Variants in POLG2 observed in about 807,000 individuals in gnomAD.
POLG2 encodes DNA polymerase gamma 2, accessory subunit.
In POLG2, 50 loss-of-function variants were observed where a neutral mutation model predicts 56.5. The observed-to-expected ratio is 0.88, with a 90% confidence interval of 0.71 to 1.12. POLG2 has a LOEUF of 1.12. Among genes scored for constraint, POLG2 ranks in the 50% most tolerant of loss-of-function variants. The pLI, the probability that POLG2 is intolerant of heterozygous loss-of-function variation, is 0.00. For synonymous variants in POLG2, 226 were observed against 222.6 expected (o/e 1.02, Z -0.14); for missense variants, 584 against 583.3 (o/e 1.00, Z -0.01).
rs1555666285 is a variant in POLG2, at chr17:64,480,419, GA to G, written c.1192-31del. 1.7e-5 allele frequency: 18 copies of G among 1,082,908 alleles called. 1 individual carries two copies. The Admixed American group carries it at 3.1e-4, about 18-fold the overall frequency. The allele number at this position is 1,082,908 out of a possible 1,614,324, so 67.1% of individuals were successfully genotyped here. ...AAAGAAATAGAAAAACTTCAAATAT[GA>G]AAGAAATAATGGTAGCTAGAGTGAT... is the stretch of plus-strand genomic sequence containing the variant. On this transcript the variant is annotated intron_variant, in intron 6 of 7. Coordinates refer to ENST00000539111, the MANE Select transcript of POLG2 (RefSeq NM_007215.4).
intron 7 of POLG2, among the ~76,000 whole-genome samples, chr17:64,478,470 A>G (rs1183671347): frequency 6.6e-6 from 1 of 152,202 alleles, no homozygotes; most frequent in Non-Finnish European, 1.5e-5. Flanking sequence ...AGATAGATGC[A>G]CGGCTGACCT....
intron 1 of POLG2, among the ~76,000 whole-genome samples, chr17:64,495,936 T>C (rs1344642089): frequency 6.6e-6 from 1 of 152,294 alleles, no homozygotes; most frequent in African/African-American, 2.4e-5. Flanking sequence ...CTCGAACTCC[T>C]GACCTCAGGT....
At chr17:64,485,008 A>C (rs2037927003) in intron 5 of POLG2, 1 of 152,312 alleles carries the variant, frequency 6.6e-6, no homozygotes, top group Admixed American at 6.5e-5. Flanking sequence ...CTGAGAAAAT[A>C]GAGGGCATCA....
intron 4 of POLG2, chr17:64,490,527 A>G: frequency 4.5e-6 from 2 of 448,352 alleles, no homozygotes; most frequent in Non-Finnish European, 8.2e-6. Flanking sequence ...AAGGCATATG[A>G]CAACTACATG....
chr17:64,495,854 G>A (rs2038142399), intron 1 of POLG2, among the ~76,000 whole-genome samples: 1 of 151,876 alleles, frequency 6.6e-6, no homozygotes, highest in African/African-American at 2.4e-5. Context: ...GATTACAGGC[G>A]CTCGCCGTCA....
At chr17:64,490,749 T>C (rs782320146) in intron 4 of POLG2, 47 bp downstream of exon 4, 8 of 1,449,984 alleles carry the variant, frequency 5.5e-6, no homozygotes, top group African/African-American at 2.8e-5. Flanking sequence ...GAAATGATTA[T>C]AGAGAATCTG....
At chr17:64,479,115 C>T (rs367572984) in intron 7 of POLG2, among the ~76,000 whole-genome samples, 2 of 151,110 alleles carry the variant, frequency 1.3e-5, no homozygotes, top group East Asian at 1.9e-4. Context: ...CTTCATTTTA[C>T]ACATAATAAA....
Position 64,496,765 on chromosome 17 carries a change from C to A in POLG2, c.204G>T (p.Ala68=), listed in dbSNP as rs782720561. ...GCCTTCTCTGACAGATCTCTAACAG[C>A]GCCTCGCTTCCCTCTCCAGACCCGG... The part of the protein sequence containing the change: ...EAPGSGEGSE[A]LLEICQRRHF... The change falls in exon 1 of 8, where the codon GCG becomes GCT. Residue 68 remains alanine (A), a synonymous_variant. Transcript: ENST00000539111. 1 of 1,613,992 alleles carries A rather than the reference C, an allele frequency of 6.2e-7. No homozygotes were observed. Among genetic ancestry groups the A allele is most frequent in the South Asian group, 1.1e-5 (1 of 91,064 alleles).
chr17:64,485,228 TTC>T (rs2037930963), intron 5 of POLG2: 1 of 157,826 alleles, frequency 6.3e-6, no homozygotes, highest in African/African-American at 2.4e-5. Flanking sequence ...CCTCTCGATT[TTC>T]TTTGACCCAT....
intron 7 of POLG2, among the ~76,000 whole-genome samples, chr17:64,478,276 A>G (rs1441016078): frequency 6.6e-6 from 1 of 151,266 alleles, no homozygotes; most frequent in Non-Finnish European, 1.5e-5. Flanking sequence ...TCACAGAAGA[A>G]CCGCATAATA....
intron 5 of POLG2, among the ~76,000 whole-genome samples, chr17:64,483,605 T>C (rs1555666925): frequency 6.6e-6 from 1 of 151,746 alleles, no homozygotes; most frequent in Non-Finnish European, 1.5e-5. Context: ...CTTTGGACCC[T>C]ACCAGCCTGG....
chr17:64,483,278 C>G (rs2037893496), intron 5 of POLG2, among the ~76,000 whole-genome samples: 1 of 152,120 alleles, frequency 6.6e-6, no homozygotes, highest in Non-Finnish European at 1.5e-5. Context: ...CTTTGGGAGG[C>G]TGAGGCAGGT....
chr17:64,492,522 T>A (rs1161896522), intron 3 of POLG2, 145 bp downstream of exon 3: 1 of 629,174 alleles, frequency 1.6e-6, no homozygotes, highest in African/African-American at 1.8e-5. Flanking sequence ...ACAATGAAAA[T>A]TGTTACAAAG....
intron 7 of POLG2, among the ~76,000 whole-genome samples, chr17:64,479,216 C>T (rs1170388585): frequency 6.8e-6 from 1 of 147,482 alleles, no homozygotes; most frequent in Non-Finnish European, 1.5e-5. Flanking sequence ...AGGAGTCTCG[C>T]TCTGTCACCC....
intron 5 of POLG2, chr17:64,484,055 T>C (rs1476816816): frequency 2.0e-5 from 3 of 152,240 alleles, no homozygotes; most frequent in African/African-American, 7.2e-5. Flanking sequence ...AACATTTTAA[T>C]GCCTCTGATA....
Position 64,496,788 on chromosome 17 carries a change from CG to C in POLG2, c.180del (p.Ser62LeufsTer9). On this transcript the variant is annotated frameshift_variant, in exon 1 of 8. Coordinates refer to ENST00000539111, the MANE Select transcript of POLG2 (RefSeq NM_007215.4). LOFTEE classifies it high-confidence loss of function. ...AGCGCCTCGCTTCCCTCTCCAGACC[CG>C]GGGGCTTCTGGGTGCTCGCCGTTCC... Reference protein sequence around the residue: ...LEGNGEHPEAPGSGEGSEALL... With the variant: ...LEGNGEHPEAXGSGEGSEALL... 6.2e-7 allele frequency: 1 copy of C among 1,613,922 alleles called. No homozygotes were observed.
Position 64,496,449 on chromosome 17 carries a change from C to T in POLG2, c.520G>A (p.Val174Ile), listed in dbSNP as rs1331115392. 37 of 1,590,028 alleles carry T rather than the reference C, an allele frequency of 2.3e-5. No homozygotes were observed. Among genetic ancestry groups the T allele is most frequent in the Non-Finnish European group, 2.7e-5 (31 of 1,161,562 alleles). ...CGTAGTTTCCCAGAAGTTTTTAATA[C>T]GTTCTCAAGAAATGCTACTAGCTGT... Reference protein sequence around the residue: ...KEQLVAFLENVLKTSGKLREN... With the variant: ...KEQLVAFLENILKTSGKLREN... Residue 174 changes from valine to isoleucine, a missense_variant, in exon 1 of 8, where the codon GTA becomes ATA. Transcript: ENST00000539111.
chr17:64,489,654 G>C (rs1470543202), intron 4 of POLG2, among the ~76,000 whole-genome samples: 1 of 152,044 alleles, frequency 6.6e-6, no homozygotes, highest in African/African-American at 2.4e-5. Flanking sequence ...TAGCTACTTG[G>C]GAGGCTGAGG....
chr17:64,479,183 G>GTTT (rs781987286), intron 7 of POLG2, among the ~76,000 whole-genome samples: 15 of 126,920 alleles, frequency 1.2e-4, no homozygotes, highest in South Asian at 2.5e-4. Flanking sequence ...TCTGAAAGGT[G>GTTT]TTTTTTTTTT....
Sources: gnomAD v4.1 joint callset for allele counts (sites outside exome capture counted in the v4.1 genomes callset) on GRCh38, gnomAD v4.1.1 for gene constraint, MANE v1.5 for transcripts, NCBI Gene and HGNC (gene_info 2026-07-23, HGNC 2026-07-21) for gene names.